RANBP17: variants seen among roughly 807,000 people sequenced by gnomAD.
RANBP17 encodes RAN binding protein 17, also known as ran-binding protein 17.
RANBP17 carries 158 observed loss-of-function variants against 141.2 expected under a neutral mutation model. The ratio of observed to expected loss-of-function variants is 1.12; its 90% confidence interval spans 0.98 to 1.28. The LOEUF (loss-of-function observed/expected upper bound fraction) is 1.28. Ranked by LOEUF, RANBP17 falls within the 50% of genes most tolerant of loss-of-function variation. The probability of loss-of-function intolerance (pLI) is 0.00; values close to 1 mark genes in which losing one functional copy is unlikely to be tolerated. For synonymous variants in RANBP17, 430 were observed against 450.0 expected, an observed-to-expected ratio of 0.96 and a Z score of 0.56; for missense variants, 1,438 against 1,290.7, an observed-to-expected ratio of 1.11 and a Z score of -1.75.
Position 171,127,513 on chromosome 5 carries a change from GA to G in RANBP17, c.1711-42609del, listed in dbSNP as rs201298962. Among the ~76,000 whole-genome samples, 662 of 151,418 alleles carry G rather than the reference GA, an allele frequency of 4.4e-3. 5 individuals are homozygous for G. Among genetic ancestry groups the G allele is most frequent in the African/African-American group, 0.015 (618 of 41,364 alleles). On this transcript the variant is annotated intron_variant, in intron 14 of 27. Transcript: ENST00000523189. ...AATATGCAAGGAATGTAAACAACAG[GA>G]AAAAAAATAGTTTTATTAAAACATG...
chr5:171,145,102 G>A (rs560249339), intron 14 of RANBP17, among the ~76,000 whole-genome samples: 1 of 152,256 alleles, frequency 6.6e-6, no homozygotes, highest in African/African-American at 2.4e-5. Flanking sequence ...TACTATGAAG[G>A]CTAGATATTA....
chr5:170,968,777 A>T, intron 14 of RANBP17: 1 of 451,948 alleles, frequency 2.2e-6, no homozygotes, highest in South Asian at 1.6e-5. Flanking sequence ...TTTGTACATG[A>T]TTAAATAATG....
At chr5:170,932,426 C>T (rs907235876) in intron 12 of RANBP17, among the ~76,000 whole-genome samples, 2 of 152,170 alleles carry the variant, frequency 1.3e-5, no homozygotes, top group South Asian at 4.1e-4. Flanking sequence ...TTGCCCTGGT[C>T]AGAACATCCA....
chr5:171,007,654 A>G (rs955300381), intron 14 of RANBP17, among the ~76,000 whole-genome samples: 2 of 152,118 alleles, frequency 1.3e-5, no homozygotes, highest in African/African-American at 2.4e-5. Flanking sequence ...ATCTCAGACT[A>G]TTTGCCCATT....
intron 14 of RANBP17, among the ~76,000 whole-genome samples, chr5:171,010,607 G>A (rs1779966565): frequency 6.6e-6 from 1 of 152,024 alleles, no homozygotes; most frequent in Non-Finnish European, 1.5e-5. Flanking sequence ...CTCAGATGCT[G>A]GATTACTAGA....
intron 24 of RANBP17, among the ~76,000 whole-genome samples, chr5:171,265,409 C>A (rs1283530560): frequency 2.6e-5 from 4 of 152,098 alleles, no homozygotes; most frequent in African/African-American, 9.7e-5. Flanking sequence ...GTGGCAGGCA[C>A]CTGTTAGCTA....
At chr5:170,987,444 C>G (rs942863532) in intron 14 of RANBP17, among the ~76,000 whole-genome samples, 3 of 151,382 alleles carry the variant, frequency 2.0e-5, no homozygotes, top group African/African-American at 7.3e-5. Context: ...AATGTACATA[C>G]TGCTAGATAG....
intron 14 of RANBP17, among the ~76,000 whole-genome samples, chr5:171,134,312 G>A (rs2127794995): frequency 6.6e-6 from 1 of 152,272 alleles, no homozygotes; most frequent in Admixed American, 6.5e-5. Flanking sequence ...AGCAATTTTA[G>A]AAGATACAAT....
chr5:171,175,692 C>G (rs1209636469), intron 16 of RANBP17, among the ~76,000 whole-genome samples: 1 of 152,094 alleles, frequency 6.6e-6, no homozygotes, highest in Non-Finnish European at 1.5e-5. Context: ...CTCATCATCA[C>G]TGGTCATTAG....
At chr5:171,021,559 C>T (rs10080139) in intron 14 of RANBP17, among the ~76,000 whole-genome samples, 1 of 151,974 alleles carries the variant, frequency 6.6e-6, no homozygotes, top group African/African-American at 2.4e-5. Flanking sequence ...CCACCTGATC[C>T]ATTCAGCTAT....
At chr5:170,961,042 G>A (rs1361338090) in intron 13 of RANBP17, among the ~76,000 whole-genome samples, 1 of 152,160 alleles carries the variant, frequency 6.6e-6, no homozygotes, top group Non-Finnish European at 1.5e-5. Context: ...CACTGCACCC[G>A]GCCCCCTGCC....
At chr5:170,958,410 G>A (rs1437751387) in intron 13 of RANBP17, among the ~76,000 whole-genome samples, 2 of 151,920 alleles carry the variant, frequency 1.3e-5, no homozygotes, top group African/African-American at 2.4e-5. Flanking sequence ...GAAGCCAGGG[G>A]TGAGGTGAGA....
intron 22 of RANBP17, among the ~76,000 whole-genome samples, chr5:171,228,799 A>T (rs1764028135): frequency 6.6e-6 from 1 of 152,246 alleles, no homozygotes; most frequent in East Asian, 1.9e-4. Context: ...CTGAAGGCTC[A>T]GATGATTGCT....
chr5:171,150,796 A>G (rs1758418066), intron 14 of RANBP17, among the ~76,000 whole-genome samples: 1 of 152,182 alleles, frequency 6.6e-6, no homozygotes, highest in East Asian at 1.9e-4. Flanking sequence ...ATAAGGAGTC[A>G]GAGGTGGTGC....
chr5:171,178,318 A>G (rs1760647273), intron 16 of RANBP17, among the ~76,000 whole-genome samples: 1 of 152,028 alleles, frequency 6.6e-6, no homozygotes. Flanking sequence ...GATGGTTTCC[A>G]GCTTCATCCA....
intron 22 of RANBP17, 109 bp downstream of exon 22, chr5:171,221,949 G>C (rs1052171529): frequency 1.4e-6 from 1 of 727,712 alleles, no homozygotes; most frequent in African/African-American, 1.8e-5. Flanking sequence ...TTATGAATTT[G>C]TGAAGTCGGT....
intron 14 of RANBP17, among the ~76,000 whole-genome samples, chr5:171,053,799 C>T (rs985817566): frequency 6.8e-6 from 1 of 147,048 alleles, no homozygotes; most frequent in African/African-American, 2.5e-5. Context: ...TGTTACTCAT[C>T]TTGGGGGAAA....
chr5:171,031,794 G>C (rs1299621546), intron 14 of RANBP17, among the ~76,000 whole-genome samples: 3 of 151,942 alleles, frequency 2.0e-5, no homozygotes, highest in Non-Finnish European at 2.9e-5. Flanking sequence ...TTTTGGTGGT[G>C]TCTTGCCATT....
intron 26 of RANBP17, among the ~76,000 whole-genome samples, chr5:171,295,431 G>A (rs1489216497): frequency 6.6e-6 from 1 of 152,178 alleles, no homozygotes; most frequent in Non-Finnish European, 1.5e-5. Flanking sequence ...CATTTAAGGA[G>A]TGACTCACTG....
Sources: gnomAD v4.1 joint callset for allele counts (sites outside exome capture counted in the v4.1 genomes callset) on GRCh38, gnomAD v4.1.1 for gene constraint, MANE v1.5 for transcripts, NCBI Gene and HGNC (gene_info 2026-07-23, HGNC 2026-07-21) for gene names.